The following LRRC8B variants were observed in gnomAD, a reference collection of about 807,000 sequenced individuals.
LRRC8B encodes the protein volume-regulated anion channel subunit LRRC8B.
A neutral mutation model predicts 58.8 loss-of-function variants in LRRC8B; 23 were observed. That is an observed-to-expected ratio of 0.39 (90% CI 0.28 to 0.55). The LOEUF is 0.55. Among genes scored for constraint, LRRC8B ranks in the 20% least tolerant of loss-of-function variants. The probability of loss-of-function intolerance (pLI) is 0.62; values close to 1 mark genes in which losing one functional copy is unlikely to be tolerated. For synonymous variants in LRRC8B, 359 were observed against 374.1 expected, an observed-to-expected ratio of 0.96 and a Z score of 0.47; for missense variants, 694 against 936.0, an observed-to-expected ratio of 0.74 and a Z score of 3.37.
chr1:89,524,899 T>G lies in LRRC8B; in HGVS notation c.-364T>G, dbSNP rs1041603119. On this transcript the variant is annotated 5_prime_UTR_variant, in exon 1 of 6. Coordinates refer to ENST00000330947, the MANE Select transcript of LRRC8B (RefSeq NM_001369817.2). ...CGGCGAGCCGGACAGCGCCGGGGCT[T>G]CCCGCTGAGCCCGCAGCCTCCGGCA... 1 of 152,214 alleles carries G rather than the reference T, an allele frequency of 6.6e-6. No homozygotes were observed. The highest frequency in any genetic ancestry group is 2.4e-5 in the African/African-American group (1 of 41,446). The allele number at this position is 152,214 out of a possible 1,614,324, so 9.4% of individuals were successfully genotyped here.
intron 1 of LRRC8B, among the ~76,000 whole-genome samples, chr1:89,534,876 A>G (rs978715625): frequency 6.6e-6 from 1 of 151,708 alleles, no homozygotes; most frequent in African/African-American, 2.4e-5. Flanking sequence ...AAGCAAAGAA[A>G]TAGAAACTTT....
intron 3 of LRRC8B, among the ~76,000 whole-genome samples, chr1:89,578,363 A>G (rs907924268): frequency 3.3e-5 from 5 of 152,206 alleles, no homozygotes; most frequent in African/African-American, 1.2e-4. Flanking sequence ...TATCATGCTC[A>G]GTGCACATAA....
intron 1 of LRRC8B, among the ~76,000 whole-genome samples, chr1:89,525,461 C>T (rs1649608993): frequency 1.3e-5 from 2 of 152,242 alleles, no homozygotes; most frequent in Non-Finnish European, 1.5e-5. Flanking sequence ...TTTGGTCGCT[C>T]TGTTTTGCCC....
At chr1:89,542,519 T>C (rs1651089121) in intron 1 of LRRC8B, among the ~76,000 whole-genome samples, 1 of 152,206 alleles carries the variant, frequency 6.6e-6, no homozygotes, top group Non-Finnish European at 1.5e-5. Flanking sequence ...AGTGAATGAA[T>C]GAATGAATGA....
At chr1:89,578,672 G>T (rs1378063053) in intron 3 of LRRC8B, among the ~76,000 whole-genome samples, 1 of 152,126 alleles carries the variant, frequency 6.6e-6, no homozygotes, top group Non-Finnish European at 1.5e-5. Flanking sequence ...ACAATTTGGG[G>T]TCAGTACTCT....
chr1:89,544,949 G>T (rs1419784685), intron 1 of LRRC8B, among the ~76,000 whole-genome samples: 1 of 152,200 alleles, frequency 6.6e-6, no homozygotes, highest in African/African-American at 2.4e-5. Flanking sequence ...GAGGAAATCA[G>T]ATGTTGAATT....
At chr1:89,542,516 G>A (rs571291316) in intron 1 of LRRC8B, among the ~76,000 whole-genome samples, 12 of 152,288 alleles carry the variant, frequency 7.9e-5, no homozygotes, top group African/African-American at 2.6e-4. Flanking sequence ...CTGAGTGAAT[G>A]AATGAATGAA....
At chr1:89,557,356 C>G (rs1275338634) in intron 1 of LRRC8B, among the ~76,000 whole-genome samples, 5 of 152,056 alleles carry the variant, frequency 3.3e-5, no homozygotes, top group Non-Finnish European at 1.5e-5. Flanking sequence ...TCAAAGATAC[C>G]ATCCCAAGGC....
At chr1:89,535,938 A>G (rs1191477871) in intron 1 of LRRC8B, among the ~76,000 whole-genome samples, 1 of 152,140 alleles carries the variant, frequency 6.6e-6, no homozygotes, top group Non-Finnish European at 1.5e-5. Context: ...GGAGAGGACA[A>G]CAGTTTGGAG....
rs78703877 is a variant in LRRC8B, at chr1:89,536,695, G to T, written c.-241+11673G>T. On this transcript the variant is annotated intron_variant, in intron 1 of 5. Coordinates refer to ENST00000330947, the MANE Select transcript of LRRC8B (RefSeq NM_001369817.2). ...AAACAGAGTGAAGGACTAGAGAATG[G>T]TTCTTGTTGGGGATTAGGTAGTATA... 2.0e-5 allele frequency among the ~76,000 whole-genome samples: 3 copies of T among 152,246 alleles called. No individual in the cohort carries two copies. In the South Asian group the frequency reaches 6.2e-4, roughly 32 times the overall value.
intron 1 of LRRC8B, among the ~76,000 whole-genome samples, chr1:89,540,594 G>GC (rs1472207905): frequency 1.3e-5 from 2 of 152,200 alleles, no homozygotes; most frequent in Non-Finnish European, 2.9e-5. Context: ...AGTGCTGACC[G>GC]TGGCACAGCC....
At position 89,533,813 on chromosome 1, in the gene LRRC8B, G is replaced by A. The variant is rs72712506; in HGVS notation, c.-241+8791G>A. ...ATACAATTAGCATAATTATTACCTA[G>A]TCTAGGGTTTCATTTCAATAACGTA... is the stretch of plus-strand genomic sequence containing the variant. On this transcript the variant is annotated intron_variant, in intron 1 of 5. Transcript: ENST00000330947. Among the ~76,000 whole-genome samples the A allele has an allele frequency of 7.5e-3, 1,144 of 152,304 alleles. 6 individuals carry two copies. Among genetic ancestry groups the A allele is most frequent in the Middle Eastern group, 0.037 (11 of 294 alleles).
intron 1 of LRRC8B, among the ~76,000 whole-genome samples, chr1:89,538,585 G>T (rs1650710362): frequency 6.6e-6 from 1 of 152,096 alleles, no homozygotes; most frequent in African/African-American, 2.4e-5. Context: ...CTTCCTTAAC[G>T]GATGTGTCAA....
At chr1:89,527,177 AG>A (rs1326767195) in intron 1 of LRRC8B, among the ~76,000 whole-genome samples, 1 of 152,240 alleles carries the variant, frequency 6.6e-6, no homozygotes, top group African/African-American at 2.4e-5. Flanking sequence ...CTTATAAACA[AG>A]GGTTTTTGTT....
rs959426476 is a variant in LRRC8B, at chr1:89,595,190, C to T, written c.*2147C>T. On this transcript the variant is annotated 3_prime_UTR_variant, in exon 6 of 6. Transcript: ENST00000330947. Reference sequence around the variant, plus strand: ...ACTTGCCTTTAGTCAGAACATTCAGCTCTCAGGGAAGCAGGTATAACTGAT... The same window carrying T: ...ACTTGCCTTTAGTCAGAACATTCAGTTCTCAGGGAAGCAGGTATAACTGAT... 1 of 152,094 alleles carries T rather than the reference C, an allele frequency of 6.6e-6. No homozygotes were observed. Among genetic ancestry groups the T allele is most frequent in the Admixed American group, 6.5e-5 (1 of 15,274 alleles). 9.4% of individuals were successfully genotyped at this position (152,094 alleles called of 1,614,324 possible). A position where few individuals can be genotyped will look rare whatever the true frequency, so the allele number is the denominator to read the frequency against.
chr1:89,575,543 C>T (rs1018359727), intron 3 of LRRC8B, among the ~76,000 whole-genome samples: 1 of 152,106 alleles, frequency 6.6e-6, no homozygotes, highest in Non-Finnish European at 1.5e-5. Flanking sequence ...GAAATAAAAC[C>T]TTTTCTTAAG....
chr1:89,575,863 A>C (rs748238538), intron 3 of LRRC8B, among the ~76,000 whole-genome samples: 2 of 152,090 alleles, frequency 1.3e-5, no homozygotes, highest in Non-Finnish European at 2.9e-5. Flanking sequence ...ATTTCCCTTG[A>C]CTATTTTATT....
chr1:89,538,071 G>A (rs1650668504), intron 1 of LRRC8B, among the ~76,000 whole-genome samples: 1 of 152,132 alleles, frequency 6.6e-6, no homozygotes, highest in African/African-American at 2.4e-5. Context: ...AGGGCTCCTT[G>A]TCCTGTTTAC....
At chr1:89,527,915 A>G (rs987663473) in intron 1 of LRRC8B, among the ~76,000 whole-genome samples, 4 of 152,224 alleles carry the variant, frequency 2.6e-5, no homozygotes, top group African/African-American at 7.2e-5. Context: ...CAATTGCCAC[A>G]CAATTTACAT....
Sources: gnomAD v4.1 joint callset for allele counts (sites outside exome capture counted in the v4.1 genomes callset) on GRCh38, gnomAD v4.1.1 for gene constraint, MANE v1.5 for transcripts, NCBI Gene and HGNC (gene_info 2026-07-23, HGNC 2026-07-21) for gene names.